Variants in SORBS2 observed in about 807,000 individuals in gnomAD.
SORBS2 encodes sorbin and SH3 domain-containing protein 2.
A neutral mutation model predicts 97.7 loss-of-function variants in SORBS2; 46 were observed. That is an observed-to-expected ratio of 0.47 (90% CI 0.37 to 0.60). The LOEUF (loss-of-function observed/expected upper bound fraction) is 0.60. Ranked by LOEUF, SORBS2 falls within the 20% of genes least tolerant of loss-of-function variation. SORBS2 has a pLI of 0.00. For synonymous variants in SORBS2, 476 were observed against 473.4 expected (o/e 1.01, Z -0.07); for missense variants, 1,316 against 1,282.3 (o/e 1.03, Z -0.40).
chr4:185,744,345 A>G (rs983496790), intron 2 of SORBS2, among the ~76,000 whole-genome samples: 6 of 152,284 alleles, frequency 3.9e-5, no homozygotes, highest in South Asian at 4.1e-4. Flanking sequence ...CAGGGTCCCC[A>G]AGAGTACTTT....
At chr4:185,645,163 A>G (rs1425623549) in intron 4 of SORBS2, among the ~76,000 whole-genome samples, 1 of 152,202 alleles carries the variant, frequency 6.6e-6, no homozygotes, top group Non-Finnish European at 1.5e-5. Flanking sequence ...AAGCATTCCA[A>G]TACCATTACC....
At chr4:185,877,883 A>C (rs796563646) in intron 1 of SORBS2, among the ~76,000 whole-genome samples, 2 of 145,180 alleles carry the variant, frequency 1.4e-5, no homozygotes. Flanking sequence ...ACAAAAAAAA[A>C]AAAGAAAGAA....
At chr4:185,729,428 C>T (rs2098596090) in intron 2 of SORBS2, among the ~76,000 whole-genome samples, 3 of 152,190 alleles carry the variant, frequency 2.0e-5, no homozygotes, top group African/African-American at 7.2e-5. Context: ...ACAAGGGGAA[C>T]TAGACTCTCA....
intron 14 of SORBS2, among the ~76,000 whole-genome samples, chr4:185,588,596 T>TCCTCCTCCTCCTCCCC (rs2095845162): frequency 6.6e-6 from 1 of 150,930 alleles, no homozygotes; most frequent in Admixed American, 6.6e-5. Context: ...TTCTCCTCCC[T>TCCTCCTCCTCCTCCCC]CCTCCTCCTC....
chr4:185,899,210 C>T (rs940871797), intron 1 of SORBS2, among the ~76,000 whole-genome samples: 11 of 152,054 alleles, frequency 7.2e-5, no homozygotes, highest in Admixed American at 2.0e-4. Context: ...GCACCAGGTC[C>T]GGTCTAGATA....
At chr4:185,849,803 G>A (rs928834208) in intron 1 of SORBS2, among the ~76,000 whole-genome samples, 2 of 152,152 alleles carry the variant, frequency 1.3e-5, no homozygotes, top group African/African-American at 2.4e-5. Context: ...ACTGAGAGAC[G>A]ACAGACAGGA....
Position 185,787,589 on chromosome 4 carries a change from CTTT to C in SORBS2, c.-337-12226_-337-12224del, listed in dbSNP as rs374431290. ...GATTTCTGAGAGCTCTGTCTGATTTCTTTTTTAATTTACAAAAGTTTTTATATA... is the reference window on the plus strand; with the variant it reads ...GATTTCTGAGAGCTCTGTCTGATTTCTTTAATTTACAAAAGTTTTTATATA... On this transcript the variant is annotated intron_variant, in intron 1 of 20. Transcript: ENST00000284776. Among the ~76,000 whole-genome samples the C allele has an allele frequency of 3.5e-4, 54 of 152,186 alleles. No individual in the cohort carries two copies. The East Asian group carries it at 8.7e-3, about 25-fold the overall frequency.
chr4:185,939,444 C>G (rs1208366977), intron 1 of SORBS2, among the ~76,000 whole-genome samples: 2 of 152,326 alleles, frequency 1.3e-5, no homozygotes, highest in Non-Finnish European at 2.9e-5. Flanking sequence ...TCTCTGACTG[C>G]TGCTCTATTT....
chr4:185,632,128 A>G (rs930040885), intron 4 of SORBS2, among the ~76,000 whole-genome samples: 1 of 152,242 alleles, frequency 6.6e-6, no homozygotes, highest in Admixed American at 6.5e-5. Flanking sequence ...ATTAGCACCA[A>G]TTAATCAATT....
intron 1 of SORBS2, among the ~76,000 whole-genome samples, chr4:185,891,529 G>T (rs1190351588): frequency 1.3e-5 from 2 of 152,216 alleles, no homozygotes; most frequent in Non-Finnish European, 2.9e-5. Flanking sequence ...ACACTATTGT[G>T]TACTAGAACC....
intron 2 of SORBS2, among the ~76,000 whole-genome samples, chr4:185,768,623 T>C (rs2098950240): frequency 6.9e-6 from 1 of 144,958 alleles, no homozygotes; most frequent in Admixed American, 7.3e-5. Flanking sequence ...CACTTGAACC[T>C]GGGAGGCGGA....
intron 1 of SORBS2, among the ~76,000 whole-genome samples, chr4:185,805,150 C>A (rs953130954): frequency 2.6e-5 from 4 of 152,124 alleles, no homozygotes; most frequent in African/African-American, 9.6e-5. Context: ...TGATGTGTTG[C>A]ATTTGAGCTT....
At chr4:185,627,850 C>T (rs948816836) in intron 5 of SORBS2, among the ~76,000 whole-genome samples, 5 of 150,610 alleles carry the variant, frequency 3.3e-5, no homozygotes, top group Non-Finnish European at 5.9e-5. Context: ...CCCTTCCTCC[C>T]GCTCATCCTG....
At chr4:185,704,609 G>A (rs908885351) in intron 2 of SORBS2, among the ~76,000 whole-genome samples, 17 of 152,032 alleles carry the variant, frequency 1.1e-4, no homozygotes, top group African/African-American at 3.1e-4. Context: ...GTGAGCCACC[G>A]CACCTGGCCC....
chr4:185,701,966 T>C (rs1354150935), intron 2 of SORBS2, among the ~76,000 whole-genome samples: 1 of 152,092 alleles, frequency 6.6e-6, no homozygotes, highest in Non-Finnish European at 1.5e-5. Context: ...AGACGGGGTT[T>C]CACCATGTTG....
chr4:185,730,953 A>G (rs2098616856), intron 2 of SORBS2, among the ~76,000 whole-genome samples: 1 of 152,210 alleles, frequency 6.6e-6, no homozygotes, highest in African/African-American at 2.4e-5. Context: ...AACCAATGGT[A>G]TCTATTTGAG....
At chr4:185,601,784 T>C (rs2096267562) in intron 12 of SORBS2, among the ~76,000 whole-genome samples, 2 of 151,952 alleles carry the variant, frequency 1.3e-5, no homozygotes. Flanking sequence ...CAGGGCCTGA[T>C]TTCATGTTGA....
Position 185,592,267 on chromosome 4 carries a change from C to T in SORBS2, c.2846+1619G>A, listed in dbSNP as rs117108564. Among the ~76,000 whole-genome samples, 239 of 152,250 alleles carry T rather than the reference C, an allele frequency of 1.6e-3. 7 individuals are homozygous for T. The East Asian group carries it at 0.04, about 25-fold the overall frequency. On this transcript the variant is annotated intron_variant, in intron 13 of 14. Transcript: ENST00000418609. ...CTCAAAACTTATTTTTAAATGAAAGCAACTAAGCAACACCCTAAAATCCCA... is the reference window on the plus strand; with the variant it reads ...CTCAAAACTTATTTTTAAATGAAAGTAACTAAGCAACACCCTAAAATCCCA...
intron 2 of SORBS2, 43 bp downstream of exon 4, chr4:185,690,519 A>G (rs778170530): frequency 5.0e-6 from 7 of 1,388,194 alleles, no homozygotes; most frequent in Non-Finnish European, 6.9e-6. Flanking sequence ...CATGATTTTT[A>G]GAGAGCAAGG....
Sources: gnomAD v4.1 joint callset for allele counts (sites outside exome capture counted in the v4.1 genomes callset) on GRCh38, gnomAD v4.1.1 for gene constraint, MANE v1.5 for transcripts, NCBI Gene and HGNC (gene_info 2026-07-23, HGNC 2026-07-21) for gene names.